The following ATIC variants were observed in gnomAD, a reference collection of about 807,000 sequenced individuals.
The protein encoded by ATIC is bifunctional purine biosynthesis protein ATIC.
A neutral mutation model predicts 72.5 loss-of-function variants in ATIC; 64 were observed. The observed-to-expected ratio is 0.88, with a 90% CI of 0.72 to 1.09. The LOEUF (loss-of-function observed/expected upper bound fraction) is 1.09. ATIC is among the 50% of genes least tolerant of loss of function. ATIC has a pLI of 0.00. For synonymous variants in ATIC, 281 were observed against 267.1 expected (o/e 1.05, Z -0.51); for missense variants, 787 against 732.4 (o/e 1.07, Z -0.86).
At chr2:215,321,111 A>C (rs1323750656) in intron 4 of ATIC, among the ~76,000 whole-genome samples, 1 of 152,030 alleles carries the variant, frequency 6.6e-6, no homozygotes, top group African/African-American at 2.4e-5. Context: ...CCCCACCCTA[A>C]ACCCTATACC....
Position 215,349,759 on chromosome 2 carries a change from A to G in ATIC, c.*104A>G. ...AAAAATAAAACAGTATCTCTTAATC[A>G]CTGGATCCATAGTTTTTGGTAGTTG... On this transcript the variant is annotated 3_prime_UTR_variant, in exon 16 of 16. Transcript: ENST00000236959. The G allele has an allele frequency of 6.3e-7, 1 of 1,588,998 alleles. No homozygotes were observed. The highest frequency in any genetic ancestry group is 8.6e-7 in the Non-Finnish European group (1 of 1,158,912).
intron 13 of ATIC, 84 bp downstream of exon 13, chr2:215,344,955 C>T (rs1194577959): frequency 1.4e-6 from 2 of 1,388,982 alleles, no homozygotes; most frequent in African/African-American, 1.4e-5. Flanking sequence ...AGATATTGGA[C>T]AGCTTGAAAG....
intron 6 of ATIC, among the ~76,000 whole-genome samples, chr2:215,326,343 G>A (rs148878061): frequency 0.024 from 3,673 of 152,226 alleles, 73 homozygotes; most frequent in Non-Finnish European, 0.034. Context: ...GGTGGCTCAC[G>A]CCTGTAATCC....
the ATIC span, chr2:215,361,656 T>C: frequency 7.8e-4 from 1,180 of 1,508,064 alleles, 11 homozygotes; most frequent in African/African-American, 0.015. Flanking sequence ...AAAAAAAAAT[T>C]AGTGGCAAAT....
chr2:215,353,189 A>G (rs551915518), downstream of ATIC, among the ~76,000 whole-genome samples: 9 of 152,228 alleles, frequency 5.9e-5, no homozygotes, highest in South Asian at 1.9e-3. Context: ...GCCTATTTGT[A>G]TTCAATTATT....
chr2:215,328,337 C>G (rs2106010964), intron 7 of ATIC, among the ~76,000 whole-genome samples: 1 of 152,286 alleles, frequency 6.6e-6, no homozygotes, highest in African/African-American at 2.4e-5. Context: ...ATGTCAGACC[C>G]TACTTAAAGC....
At chr2:215,365,808 T>TA in the ATIC span, 2 of 93,926 alleles carry the variant, frequency 2.1e-5, no homozygotes, top group Admixed American at 1.5e-4. Context: ...TACTTTTTAT[T>TA]TTTTTTTTTT....
downstream of ATIC, chr2:215,349,857 C>A: frequency 2.2e-6 from 2 of 928,872 alleles, no homozygotes; most frequent in Non-Finnish European, 3.2e-6. Context: ...AATTCCAGAG[C>A]ACCCCTGCCT....
At chr2:215,338,402 A>C (rs1160524427) in intron 11 of ATIC, among the ~76,000 whole-genome samples, 1 of 152,238 alleles carries the variant, frequency 6.6e-6, no homozygotes. Flanking sequence ...CATCTGTTTT[A>C]TCTGCTGACC....
At chr2:215,342,649 T>C (rs1488388731) in intron 12 of ATIC, among the ~76,000 whole-genome samples, 1 of 152,210 alleles carries the variant, frequency 6.6e-6, no homozygotes, top group Non-Finnish European at 1.5e-5. Flanking sequence ...CGTGCATTCA[T>C]GTACAGTTTT....
chr2:215,352,749 T>C (rs1468531430), downstream of ATIC, among the ~76,000 whole-genome samples: 3 of 124,562 alleles, frequency 2.4e-5, no homozygotes, highest in East Asian at 7.7e-4. Flanking sequence ...AGTTTTTTGA[T>C]TGTGCAACCC....
At chr2:215,367,996 G>A in the ATIC span, 1 of 1,614,174 alleles carries the variant, frequency 6.2e-7, no homozygotes, top group Non-Finnish European at 8.5e-7. Flanking sequence ...CAAAGCACGA[G>A]TCATCCGTAG....
At position 215,326,937 on chromosome 2, in the gene ATIC, C is replaced by A. The variant is rs1374646574; in HGVS notation, c.647C>A (p.Pro216His). 5 of 1,614,186 alleles carry A rather than the reference C, an allele frequency of 3.1e-6. No homozygotes were observed. Among genetic ancestry groups the A allele is most frequent in the Non-Finnish European group, 4.2e-6 (5 of 1,180,032 alleles). The change falls in exon 7 of 16, where the codon CCT (proline) becomes CAT (histidine). Residue 216 changes from proline (P) to histidine (H), a missense_variant. By Grantham distance (77) the Pro-to-His change is moderately conservative (BLOSUM62 -2). Transcript: ENST00000236959. ...TATGGAATGAACCCACATCAGACCCCTGCCCAGCTGTACACACTGCAGCCC... is the reference window on the plus strand; with the variant it reads ...TATGGAATGAACCCACATCAGACCCATGCCCAGCTGTACACACTGCAGCCC... ...LRYGMNPHQT[P>H]AQLYTLQPKL...
intron 2 of ATIC, among the ~76,000 whole-genome samples, chr2:215,316,008 G>C (rs1292610138): frequency 1.3e-5 from 2 of 151,718 alleles, no homozygotes; most frequent in Non-Finnish European, 2.9e-5. Flanking sequence ...ATATTTTTGG[G>C]TGTTGTTATC....
Position 215,331,984 on chromosome 2 carries a change from C to T in ATIC, c.689-398C>T, listed in dbSNP as rs112702181. Among the ~76,000 whole-genome samples, 717 of 152,226 alleles carry T rather than the reference C, an allele frequency of 4.7e-3. 5 individuals are homozygous for T. Among genetic ancestry groups the T allele is most frequent in the African/African-American group, 0.016 (660 of 41,540 alleles). ...TAGGGTTTATAACTTTAATTTTGTA[C>T]TGTCTCTGTGATTACCTCAATTGTT... On this transcript the variant is annotated intron_variant, in intron 7 of 15. Transcript: ENST00000236959.
At chr2:215,327,782 T>C (rs1180531801) in intron 7 of ATIC, among the ~76,000 whole-genome samples, 1 of 151,984 alleles carries the variant, frequency 6.6e-6, no homozygotes. Context: ...TTCCTTTCCC[T>C]GTCATCAGCT....
the ATIC span, chr2:215,365,581 G>A: frequency 6.2e-7 from 1 of 1,613,930 alleles, no homozygotes; most frequent in Non-Finnish European, 8.5e-7. Context: ...CTCCCTGACG[G>A]TCCCACTTCT....
Position 215,315,954 on chromosome 2 carries a change from C to CAA in ATIC, c.147-2189_147-2188dup, listed in dbSNP as rs1165120321. ...TGGATGACAGAGAGAAACACTGTCT[C>CAA]AAAAAAAAAAAAAAAGATCTTGGTT... On this transcript the variant is annotated intron_variant, in intron 2 of 15. Transcript: ENST00000236959. Among the ~76,000 whole-genome samples, 6 of 110,558 alleles carry CAA rather than the reference C, an allele frequency of 5.4e-5. No individual in the cohort carries two copies. In the East Asian group the frequency reaches 7.6e-4, roughly 14 times the overall value. 72.5% of individuals were successfully genotyped at this position (110,558 alleles called of 152,430 possible).
chr2:215,329,205 A>G (rs961572813), intron 7 of ATIC, among the ~76,000 whole-genome samples: 1 of 152,142 alleles, frequency 6.6e-6, no homozygotes, highest in African/African-American at 2.4e-5. Context: ...TATCTGACCT[A>G]TTTCCTGCTT....
Sources: gnomAD v4.1 joint callset for allele counts (sites outside exome capture counted in the v4.1 genomes callset) on GRCh38, gnomAD v4.1.1 for gene constraint, MANE v1.5 for transcripts, NCBI Gene and HGNC (gene_info 2026-07-23, HGNC 2026-07-21) for gene names.